The following SMYD3 variants were observed in gnomAD, a reference collection of about 807,000 sequenced individuals.
SMYD3 encodes SET and MYND domain containing 3.
In SMYD3, 36 loss-of-function variants were observed where a neutral mutation model predicts 57.7. The ratio of observed to expected loss-of-function variants is 0.62; its 90% CI spans 0.48 to 0.82. The LOEUF (loss-of-function observed/expected upper bound fraction) is 0.82. Among genes scored for constraint, SMYD3 ranks in the 40% least tolerant of loss-of-function variants. The pLI is 0.00. For synonymous variants in SMYD3, 211 were observed against 195.0 expected, an observed-to-expected ratio of 1.08 and a Z score of -0.68; for missense variants, 515 against 538.8, an observed-to-expected ratio of 0.96 and a Z score of 0.44.
At chr1:245,914,286 T>A (rs955715367) in intron 8 of SMYD3, among the ~76,000 whole-genome samples, 2 of 152,216 alleles carry the variant, frequency 1.3e-5, no homozygotes, top group South Asian at 4.1e-4. Context: ...ATCCAAAGGA[T>A]AGAAAATCAG....
rs1282632065 is a variant in SMYD3, at chr1:246,107,159, C to A, written c.532-177222G>T. 2.7e-5 allele frequency among the ~76,000 whole-genome samples: 4 copies of A among 148,868 alleles called. No individual in the cohort carries two copies. In the East Asian group the frequency reaches 8.0e-4, roughly 30 times the overall value. On this transcript the variant is annotated intron_variant, in intron 5 of 11. Transcript: ENST00000490107. Reference sequence around the variant, plus strand: ...AAAATTAGCCAGGCGTGGTGGCAGGCGCCTGTAGTCCCAGCTACTCGGGAG... The same window carrying A: ...AAAATTAGCCAGGCGTGGTGGCAGGAGCCTGTAGTCCCAGCTACTCGGGAG...
At chr1:246,204,218 CT>C (rs1265478394) in intron 5 of SMYD3, among the ~76,000 whole-genome samples, 1 of 152,190 alleles carries the variant, frequency 6.6e-6, no homozygotes, top group African/African-American at 2.4e-5. Flanking sequence ...TATTTTTCCC[CT>C]ATTTTTTCCC....
Position 246,330,535 on chromosome 1 carries a change from CATCT to C in SMYD3, c.337-2_338del, listed in dbSNP as rs751089945. The C allele has an allele frequency of 1.1e-4, 181 of 1,589,044 alleles. No individual in the cohort carries two copies. Among genetic ancestry groups the C allele is most frequent in the Admixed American group, 2.5e-4 (14 of 56,362 alleles). ...TCTCTGATTCTGAAGGTGCTCCATCCATCTGTGAAGGAAAAGGGGAAAACGCCAA... is the reference window on the plus strand; with the variant it reads ...TCTCTGATTCTGAAGGTGCTCCATCCGTGAAGGAAAAGGGGAAAACGCCAA... On this transcript the variant is annotated splice_acceptor_variant and coding_sequence_variant, in exon 4 of 12. Transcript: ENST00000490107. LOFTEE classifies it high-confidence loss of function.
At chr1:246,080,712 C>T (rs937223490) in intron 5 of SMYD3, among the ~76,000 whole-genome samples, 1 of 152,118 alleles carries the variant, frequency 6.6e-6, no homozygotes, top group African/African-American at 2.4e-5. Flanking sequence ...GTTCAGTATA[C>T]CTTTTTGATA....
intron 7 of SMYD3, among the ~76,000 whole-genome samples, chr1:245,927,264 CTG>C (rs1027831995): frequency 8.5e-5 from 13 of 152,316 alleles, no homozygotes; most frequent in Non-Finnish European, 1.5e-4. Context: ...CCGTTTGCAG[CTG>C]TCTTGTAAGA....
chr1:245,782,835 A>C (rs1056633921), intron 10 of SMYD3, among the ~76,000 whole-genome samples: 4 of 152,244 alleles, frequency 2.6e-5, no homozygotes, highest in Non-Finnish European at 5.9e-5. Context: ...GCCAGAGTCT[A>C]GGAGTTCTTC....
chr1:246,319,269 T>C (rs146857628), intron 5 of SMYD3, among the ~76,000 whole-genome samples: 1 of 152,352 alleles, frequency 6.6e-6, no homozygotes, highest in Non-Finnish European at 1.5e-5. Context: ...CAGCTAAGTA[T>C]TCTAGCAGCT....
At chr1:246,121,932 C>T (rs1449260451) in intron 5 of SMYD3, among the ~76,000 whole-genome samples, 1 of 151,652 alleles carries the variant, frequency 6.6e-6, no homozygotes, top group Non-Finnish European at 1.5e-5. Flanking sequence ...CAGAATGAAA[C>T]TTCAGTTAAT....
chr1:246,407,256 G>T (rs2066881990), intron 1 of SMYD3, among the ~76,000 whole-genome samples: 1 of 152,304 alleles, frequency 6.6e-6, no homozygotes, highest in East Asian at 1.9e-4. Context: ...TATTGTTCTA[G>T]TGTATTTAAT....
intron 1 of SMYD3, among the ~76,000 whole-genome samples, chr1:246,363,340 G>A (rs1258031796): frequency 1.9e-4 from 29 of 152,008 alleles, no homozygotes; most frequent in African/African-American, 2.7e-4. Flanking sequence ...CATCCGGGAG[G>A]TGAGGGGCGC....
chr1:245,872,450 G>A (rs1394805614), intron 8 of SMYD3, among the ~76,000 whole-genome samples: 18 of 100,158 alleles, frequency 1.8e-4, no homozygotes, highest in Admixed American at 1.0e-3. Context: ...CTCCTTCACC[G>A]GCCTCCCTGA....
chr1:246,156,641 AAG>A (rs1014009722), intron 5 of SMYD3, among the ~76,000 whole-genome samples: 3 of 152,214 alleles, frequency 2.0e-5, no homozygotes, highest in African/African-American at 7.2e-5. Flanking sequence ...ACAGGAGCTT[AAG>A]AGTCTAGTGG....
intron 5 of SMYD3, among the ~76,000 whole-genome samples, chr1:246,229,636 C>T (rs1223232088): frequency 6.6e-6 from 1 of 152,122 alleles, no homozygotes; most frequent in African/African-American, 2.4e-5. Flanking sequence ...TAATATCCAG[C>T]AAAGGACCTC....
chr1:246,126,915 A>G (rs1056752656), intron 5 of SMYD3, among the ~76,000 whole-genome samples: 4 of 152,188 alleles, frequency 2.6e-5, no homozygotes, highest in Non-Finnish European at 4.4e-5. Flanking sequence ...ATTTATGTGT[A>G]GAGGCAGTTA....
chr1:246,127,896 A>AAAAAGAAAAGAAAAGAAAAGAAAAG lies in SMYD3; in HGVS notation c.532-197984_532-197960dup, dbSNP rs60532931. 1.5e-3 allele frequency among the ~76,000 whole-genome samples: 216 copies of AAAAAGAAAAGAAAAGAAAAGAAAAG among 147,884 alleles called. 3 individuals are homozygous for AAAAAGAAAAGAAAAGAAAAGAAAAG. Among genetic ancestry groups the AAAAAGAAAAGAAAAGAAAAGAAAAG allele is most frequent in the African/African-American group, 5.1e-3 (204 of 40,248 alleles). ...GGGAGACAGAGCAAGACTCTGTCTC[A>AAAAAGAAAAGAAAAGAAAAGAAAAG]AAAAGAAAAGAAAAGAAAAGAAAAG... On this transcript the variant is annotated intron_variant, in intron 5 of 11. Coordinates refer to ENST00000490107, the MANE Select transcript of SMYD3 (RefSeq NM_001167740.2).
chr1:246,113,689 A>G (rs1558240021), intron 5 of SMYD3: 1 of 152,198 alleles, frequency 6.6e-6, no homozygotes, highest in East Asian at 1.9e-4. Context: ...TCTCCCACAG[A>G]CAGGGAGGTT....
At chr1:245,973,718 A>G (rs2058357131) in intron 5 of SMYD3, among the ~76,000 whole-genome samples, 1 of 152,170 alleles carries the variant, frequency 6.6e-6, no homozygotes, top group African/African-American at 2.4e-5. Flanking sequence ...CTCAAGAACA[A>G]ATGTCCCAGT....
intron 5 of SMYD3, among the ~76,000 whole-genome samples, chr1:246,146,713 A>G (rs1280640811): frequency 6.6e-6 from 1 of 152,114 alleles, no homozygotes; most frequent in African/African-American, 2.4e-5. Context: ...GGAATCTAAT[A>G]ATGGGGCCTA....
intron 1 of SMYD3, among the ~76,000 whole-genome samples, chr1:246,403,533 C>T (rs535183553): frequency 1.3e-5 from 2 of 152,288 alleles, no homozygotes; most frequent in East Asian, 3.9e-4. Context: ...CCTAGTTCAT[C>T]TCCTCTGGTC....
Sources: allele counts gnomAD v4.1 joint callset (sites outside exome capture counted in the v4.1 genomes callset), GRCh38; gene constraint gnomAD v4.1.1; transcripts MANE v1.5; gene names NCBI Gene and HGNC (gene_info 2026-07-23, HGNC 2026-07-21).